CAB39L: variants seen among roughly 807,000 people sequenced by gnomAD.
CAB39L encodes calcium-binding protein 39-like.
Under a neutral mutation model 39.1 loss-of-function variants are expected in CAB39L, and 23 were observed. That is an observed-to-expected ratio of 0.59 (90% confidence interval 0.42 to 0.83). The LOEUF is 0.83. Among genes scored for constraint, CAB39L ranks in the 40% least tolerant of loss-of-function variants. CAB39L has a pLI of 0.00. For missense variants in CAB39L, 366 were observed against 391.9 expected (o/e 0.93, Z 0.56); for synonymous variants, 126 against 137.2 (o/e 0.92, Z 0.57).
At chr13:49,331,360 G>C (rs1193711609) in intron 10 of CAB39L, among the ~76,000 whole-genome samples, 1 of 152,044 alleles carries the variant, frequency 6.6e-6, no homozygotes, top group Non-Finnish European at 1.5e-5. Context: ...CAGCTACTCA[G>C]GAGGTTGAGG....
chr13:49,348,144 G>C (rs1955235505), intron 7 of CAB39L, among the ~76,000 whole-genome samples: 1 of 152,118 alleles, frequency 6.6e-6, no homozygotes, highest in African/African-American at 2.4e-5. Flanking sequence ...GGACGCTAGA[G>C]GCCTTGTGTT....
intron 7 of CAB39L, among the ~76,000 whole-genome samples, chr13:49,347,208 T>A (rs1274572465): frequency 2.6e-5 from 4 of 152,198 alleles, no homozygotes; most frequent in African/African-American, 7.2e-5. Context: ...AAACTTTTTA[T>A]GATTATTTAG....
rs548947401 is a variant in CAB39L, at chr13:49,405,719, G to GAGGAAGGA, written c.-31-22786_-31-22779dup. Among the ~76,000 whole-genome samples the GAGGAAGGA allele has an allele frequency of 6.0e-3, 567 of 95,050 alleles. 11 individuals are homozygous for GAGGAAGGA. Among genetic ancestry groups the GAGGAAGGA allele is most frequent in the African/African-American group, 0.019 (506 of 26,332 alleles). 62.4% of individuals were successfully genotyped at this position (95,050 alleles called of 152,430 possible). A position where few individuals can be genotyped will look rare whatever the true frequency, so the allele number is the denominator to read the frequency against. ...AAAGAAAGAAAGAAAGAAAGAGAGA[G>GAGGAAGGA]AGGAAGGAAGGAAGGAAGGAAGGAA... On this transcript the variant is annotated intron_variant, in intron 3 of 10. Coordinates refer to ENST00000409308, the MANE Select transcript of CAB39L (RefSeq NM_001079670.3).
chr13:49,434,261 T>C (rs1301621088), intron 1 of CAB39L, 38 bp from the exon 2 acceptor site: 1 of 428,046 alleles, frequency 2.3e-6, no homozygotes, highest in Non-Finnish European at 4.6e-6. Flanking sequence ...GGCTTTGGAG[T>C]CACATCAATC....
At chr13:49,384,623 A>C (rs1180764848) in intron 3 of CAB39L, among the ~76,000 whole-genome samples, 1 of 152,172 alleles carries the variant, frequency 6.6e-6, no homozygotes, top group African/African-American at 2.4e-5. Flanking sequence ...CTTTTATTAG[A>C]ACAATATGAA....
chr13:49,429,031 A>G (rs1206718584), intron 3 of CAB39L, among the ~76,000 whole-genome samples: 1 of 152,218 alleles, frequency 6.6e-6, no homozygotes, highest in Admixed American at 6.5e-5. Flanking sequence ...TCCTCACTAT[A>G]ATTATATAGC....
chr13:49,417,060 A>T (rs1957097753), intron 3 of CAB39L, among the ~76,000 whole-genome samples: 1 of 152,256 alleles, frequency 6.6e-6, no homozygotes, highest in Admixed American at 6.5e-5. Flanking sequence ...TTATGTTGGC[A>T]TCTAAAATCT....
intron 1 of CAB39L, 139 bp from the exon 2 acceptor site, chr13:49,434,362 C>G (rs766912215): frequency 1.7e-5 from 6 of 353,084 alleles, no homozygotes; most frequent in Non-Finnish European, 3.3e-5. Flanking sequence ...TAAGATGGGT[C>G]TCAATGTACA....
In CAB39L at chr13:49,379,737, A is replaced by G. The variant is rs1566104076; in HGVS notation, c.112-2606T>C. ...AAAAAAAAAACAAAAAAACAAAAACAGTAAGCACTGCCTTTTTTATTTTGG... is the reference window on the plus strand; with the variant it reads ...AAAAAAAAAACAAAAAAACAAAAACGGTAAGCACTGCCTTTTTTATTTTGG... On this transcript the variant is annotated intron_variant, in intron 4 of 10. Coordinates refer to ENST00000409308, the MANE Select transcript of CAB39L (RefSeq NM_001079670.3). Among the ~76,000 whole-genome samples the G allele has an allele frequency of 2.0e-5, 3 of 151,552 alleles. 1 individual carries two copies. The highest frequency in any genetic ancestry group is 4.4e-5 in the Non-Finnish European group (3 of 67,922).
At chr13:49,423,228 G>A (rs941793765) in intron 3 of CAB39L, among the ~76,000 whole-genome samples, 1 of 152,172 alleles carries the variant, frequency 6.6e-6, no homozygotes, top group African/African-American at 2.4e-5. Context: ...ATAAATCTAG[G>A]GCAGGTGAGA....
intron 5 of CAB39L, among the ~76,000 whole-genome samples, chr13:49,373,747 C>T (rs1320344513): frequency 2.0e-5 from 3 of 148,372 alleles, no homozygotes; most frequent in Non-Finnish European, 4.4e-5. Context: ...ACACAGTCCT[C>T]GTACTCAAGG....
At chr13:49,374,165 T>G (rs1955995552) in intron 5 of CAB39L, among the ~76,000 whole-genome samples, 1 of 152,192 alleles carries the variant, frequency 6.6e-6, no homozygotes, top group Admixed American at 6.5e-5. Context: ...CACATTCACT[T>G]ATAATTATGT....
intron 10 of CAB39L, among the ~76,000 whole-genome samples, chr13:49,328,826 C>A (rs537475573): frequency 1.3e-5 from 2 of 152,190 alleles, no homozygotes; most frequent in East Asian, 1.9e-4. Context: ...CATAGTGAGA[C>A]CCTGTCTCAA....
chr13:49,329,462 G>C (rs930750051), intron 10 of CAB39L, among the ~76,000 whole-genome samples: 1 of 149,350 alleles, frequency 6.7e-6, no homozygotes. Flanking sequence ...ACTCCTGAGG[G>C]GTGGCTGCTC....
At chr13:49,318,088 C>A (rs897682896) in intron 10 of CAB39L, among the ~76,000 whole-genome samples, 1 of 152,062 alleles carries the variant, frequency 6.6e-6, no homozygotes, top group African/African-American at 2.4e-5. Flanking sequence ...ACTAGGATGA[C>A]TGCAAAAACA....
rs1193777386 is a variant in CAB39L, at chr13:49,339,723, T to C, written c.644A>G (p.Lys215Arg). Residue 215 changes from lysine (K) to arginine (R), a missense_variant, in exon 9 of 11, where the codon AAA becomes AGA. By Grantham distance (26) the Lys-to-Arg change is conservative. Coordinates refer to ENST00000409308, the MANE Select transcript of CAB39L (RefSeq NM_001079670.3). ...NYDTIFEDYEKLLQSENYVTK... is the reference protein window; with the variant it reads ...NYDTIFEDYERLLQSENYVTK... ...AACATAATTCTCAGACTGAAGCAATTTCTCATAGTCTTCAAAAATCTAATG... is the reference window on the plus strand; with the variant it reads ...AACATAATTCTCAGACTGAAGCAATCTCTCATAGTCTTCAAAAATCTAATG... 2.5e-6 allele frequency: 4 copies of C among 1,581,640 alleles called. No homozygotes were observed. In the East Asian group the frequency reaches 9.2e-5, roughly 36 times the overall value.
chr13:49,359,969 T>A (rs537601784), intron 5 of CAB39L, 137 bp from the exon 6 acceptor site: 10 of 558,428 alleles, frequency 1.8e-5, no homozygotes, highest in South Asian at 1.7e-4. Flanking sequence ...AACGTTAACT[T>A]ACTCTTCCCA....
intron 3 of CAB39L, among the ~76,000 whole-genome samples, chr13:49,384,282 C>T (rs1444050319): frequency 2.6e-5 from 4 of 152,220 alleles, no homozygotes; most frequent in Non-Finnish European, 4.4e-5. Context: ...CAAGTTTTAT[C>T]GTGAGATTGC....
chr13:49,390,113 C>T (rs944178076), intron 3 of CAB39L, among the ~76,000 whole-genome samples: 1 of 152,130 alleles, frequency 6.6e-6, no homozygotes, highest in African/African-American at 2.4e-5. Flanking sequence ...TCTCAAACTC[C>T]TGAGTTTAAA....
Sources: gnomAD v4.1 joint callset for allele counts (sites outside exome capture counted in the v4.1 genomes callset) on GRCh38, gnomAD v4.1.1 for gene constraint, MANE v1.5 for transcripts, NCBI Gene and HGNC (gene_info 2026-07-23, HGNC 2026-07-21) for gene names.